PFKFB3: variants seen among roughly 807,000 people sequenced by gnomAD.
PFKFB3 encodes the protein 6-phosphofructo-2-kinase/fructose-2,6-bisphosphatase 3.
A neutral mutation model predicts 68.0 loss-of-function variants in PFKFB3; 33 were observed. The ratio of observed to expected loss-of-function variants is 0.49; its 90% CI spans 0.37 to 0.65. The LOEUF is 0.65. PFKFB3 is among the 30% of genes least tolerant of loss of function. The probability of loss-of-function intolerance (pLI) is 0.00; values close to 1 mark genes in which losing one functional copy is unlikely to be tolerated. For missense variants in PFKFB3, 586 were observed against 712.2 expected, an observed-to-expected ratio of 0.82 and a Z score of 2.02; for synonymous variants, 315 against 288.2, an observed-to-expected ratio of 1.09 and a Z score of -0.94.
downstream of PFKFB3, among the ~76,000 whole-genome samples, chr10:6,259,110 A>C (rs1846514726): frequency 6.6e-6 from 1 of 152,024 alleles, no homozygotes. Context: ...GCATTCATTC[A>C]TCCATCTATA....
intron 1 of PFKFB3, among the ~76,000 whole-genome samples, chr10:6,192,974 T>C (rs1004069401): frequency 2.0e-5 from 3 of 152,220 alleles, no homozygotes; most frequent in South Asian, 2.1e-4. Context: ...TGTGAATGGC[T>C]GTCTGTCCAC....
In PFKFB3 at chr10:6,203,196, GC is replaced by G; in HGVS notation, c.-63del. ...TCCTCCTTTGTTCCGGGGGTCGGCG[GC>G]CGCTCTCCTGCCAGCGTCGGGATCT... On this transcript the variant is annotated 5_prime_UTR_variant, in exon 1 of 15. Transcript: ENST00000379775. 1.3e-6 allele frequency: 2 copies of G among 1,574,982 alleles called. No individual in the cohort carries two copies. The highest frequency in any genetic ancestry group is 1.8e-5 in the Admixed American group (1 of 54,274).
At chr10:6,204,601 G>T (rs1011141821) in intron 1 of PFKFB3, among the ~76,000 whole-genome samples, 1 of 152,210 alleles carries the variant, frequency 6.6e-6, no homozygotes, top group Non-Finnish European at 1.5e-5. Flanking sequence ...GCCCTCAGGA[G>T]AGGTCTTGTT....
intron 5 of PFKFB3, 144 bp from the exon 6 acceptor site, chr10:6,216,991 C>T (rs1844629089): frequency 1.1e-6 from 1 of 899,350 alleles, no homozygotes; most frequent in Admixed American, 1.9e-5. Flanking sequence ...GTTCCAGAGG[C>T]TGCAGTGAGG....
intron 1 of PFKFB3, among the ~76,000 whole-genome samples, chr10:6,186,622 T>G (rs1453044591): frequency 6.6e-6 from 1 of 152,212 alleles, no homozygotes. Context: ...CATCATGGTC[T>G]TGTCTGGCTG....
the PFKFB3 span, among the ~76,000 whole-genome samples, chr10:6,312,187 C>T: frequency 6.6e-6 from 1 of 152,056 alleles, no homozygotes; most frequent in African/African-American, 2.4e-5. Context: ...CCTGATTAGG[C>T]GGACAGGCTT....
At chr10:6,305,522 T>C in the PFKFB3 span, among the ~76,000 whole-genome samples, 1 of 152,232 alleles carries the variant, frequency 6.6e-6, no homozygotes, top group African/African-American at 2.4e-5. Flanking sequence ...TGTTTTCTTT[T>C]CAAGCATGCT....
chr10:6,153,044 T>C (rs1841645469), intron 1 of PFKFB3, among the ~76,000 whole-genome samples: 1 of 151,876 alleles, frequency 6.6e-6, no homozygotes, highest in Non-Finnish European at 1.5e-5. Flanking sequence ...TAGCTGTGCA[T>C]GGTGGTGGGT....
At chr10:6,301,511 G>A in the PFKFB3 span, among the ~76,000 whole-genome samples, 2 of 152,226 alleles carry the variant, frequency 1.3e-5, no homozygotes, top group Non-Finnish European at 2.9e-5. Context: ...GTTTCCTAAA[G>A]TGAAGAATCC....
downstream of PFKFB3, among the ~76,000 whole-genome samples, chr10:6,238,525 C>G (rs971013424): frequency 7.0e-6 from 1 of 142,402 alleles, no homozygotes; most frequent in Non-Finnish European, 1.5e-5. Flanking sequence ...TGCCATAGTT[C>G]TCAGACTTAT....
intron 1 of PFKFB3, among the ~76,000 whole-genome samples, chr10:6,157,517 C>T (rs1336722960): frequency 2.6e-5 from 4 of 152,188 alleles, no homozygotes; most frequent in South Asian, 2.1e-4. Context: ...TGAGCCACGG[C>T]GCCCAGCCAA....
intron 1 of PFKFB3, among the ~76,000 whole-genome samples, chr10:6,213,017 C>T (rs971471669): frequency 2.0e-5 from 3 of 152,174 alleles, no homozygotes; most frequent in Non-Finnish European, 2.9e-5. Context: ...CTCCCACCCG[C>T]AGGAGCATTT....
the PFKFB3 span, among the ~76,000 whole-genome samples, chr10:6,301,790 TA>T: frequency 6.6e-6 from 1 of 152,206 alleles, no homozygotes; most frequent in Non-Finnish European, 1.5e-5. Context: ...TAAGAGAAGC[TA>T]ATTTCAAATC....
rs541724512 is a variant in PFKFB3 at position 6,154,304 on chromosome 10, G to A, written c.16+9291G>A. Among the ~76,000 whole-genome samples the A allele has an allele frequency of 6.6e-6, 1 of 151,426 alleles. No individual in the cohort carries two copies. Among genetic ancestry groups the A allele is most frequent in the Admixed American group, 6.6e-5 (1 of 15,222 alleles). On this transcript the variant is annotated intron_variant, in intron 1 of 14. Transcript: ENST00000379789. This position sits in a 1 kb window ranked among gnomAD's most constrained non-coding sequence, Gnocchi z 4.6. ...TCTGTTGGCCAGGCTGGAGTGCAGT[G>A]GCGCGTTCTCGGCTCACTGCAACCT... is the stretch of plus-strand genomic sequence containing the variant.
the PFKFB3 span, among the ~76,000 whole-genome samples, chr10:6,276,393 A>AG: frequency 2.6e-4 from 38 of 146,078 alleles, no homozygotes; most frequent in African/African-American, 9.1e-4. Context: ...GCCATGCTTC[A>AG]GAAAAAAAAA....
At chr10:6,309,682 T>C in the PFKFB3 span, among the ~76,000 whole-genome samples, 1 of 151,914 alleles carries the variant, frequency 6.6e-6, no homozygotes, top group Non-Finnish European at 1.5e-5. Context: ...AAAGAATAAC[T>C]TTTTAGACAT....
At chr10:6,164,298 T>C (rs1171494924) in intron 1 of PFKFB3, among the ~76,000 whole-genome samples, 1 of 152,090 alleles carries the variant, frequency 6.6e-6, no homozygotes, top group African/African-American at 2.4e-5. Context: ...CTCGTATGCG[T>C]TGGGTCTGTG....
At chr10:6,163,829 C>G (rs1842039472) in intron 1 of PFKFB3, 1 of 152,010 alleles carries the variant, frequency 6.6e-6, no homozygotes, top group African/African-American at 2.4e-5. Flanking sequence ...CGCGCCCTCC[C>G]GGCGTGCGCC....
At chr10:6,291,514 T>C in the PFKFB3 span, among the ~76,000 whole-genome samples, 1 of 147,776 alleles carries the variant, frequency 6.8e-6, no homozygotes, top group Admixed American at 6.8e-5. Context: ...ATTGTGCCGC[T>C]GCACTCCAGC....
Sources: allele counts gnomAD v4.1 joint callset (sites outside exome capture counted in the v4.1 genomes callset), GRCh38; gene constraint gnomAD v4.1.1; non-coding constraint Gnocchi (gnomAD v3.1); transcripts MANE v1.5; gene names NCBI Gene and HGNC (gene_info 2026-07-23, HGNC 2026-07-21).